KLHL18: variants seen among roughly 807,000 people sequenced by gnomAD.
KLHL18 encodes kelch like family member 18.
KLHL18 carries 38 observed loss-of-function variants against 58.5 expected under a neutral mutation model. The observed-to-expected ratio is 0.65, with a 90% confidence interval of 0.50 to 0.85. The LOEUF is 0.85. KLHL18 is among the 40% of genes least tolerant of loss of function. The probability of loss-of-function intolerance (pLI) is 0.00; values close to 1 mark genes in which losing one functional copy is unlikely to be tolerated. For synonymous variants in KLHL18, 303 were observed against 301.9 expected (o/e 1.00, Z -0.04); for missense variants, 624 against 778.4 (o/e 0.80, Z 2.36).
rs1400908540 is a variant in KLHL18 at position 47,346,375 on chromosome 3, C to T, written c.*2434C>T. 1 of 152,680 alleles carries T rather than the reference C, an allele frequency of 6.5e-6. No homozygotes were observed. Among genetic ancestry groups the T allele is most frequent in the African/African-American group, 2.4e-5 (1 of 41,458 alleles). 9.5% of individuals were successfully genotyped at this position (152,680 alleles called of 1,614,324 possible). ...GTCAGGAAACACCAACATATTCACACTCTCCCAGTAGGTTCCTCAGTCCGA... is the reference window on the plus strand; with the variant it reads ...GTCAGGAAACACCAACATATTCACATTCTCCCAGTAGGTTCCTCAGTCCGA... On this transcript the variant is annotated 3_prime_UTR_variant, in exon 10 of 10. Transcript: ENST00000232766.
At chr3:47,324,697 G>C (rs994396663) in intron 3 of KLHL18, among the ~76,000 whole-genome samples, 1 of 151,964 alleles carries the variant, frequency 6.6e-6, no homozygotes, top group African/African-American at 2.4e-5. Flanking sequence ...AATTAGTCAA[G>C]TGCAGTGGCT....
At chr3:47,288,635 A>G (rs890079285) in intron 1 of KLHL18, among the ~76,000 whole-genome samples, 2 of 152,202 alleles carry the variant, frequency 1.3e-5, no homozygotes, top group African/African-American at 4.8e-5. Context: ...AATATTTGAA[A>G]TTTAAATTCA....
At chr3:47,302,065 C>T (rs1703037298) in intron 1 of KLHL18, among the ~76,000 whole-genome samples, 1 of 152,150 alleles carries the variant, frequency 6.6e-6, no homozygotes, top group South Asian at 2.1e-4. Context: ...CCCCCTAAAG[C>T]AGTGGGATTA....
At chr3:47,320,017 T>A (rs932956843) in intron 2 of KLHL18, among the ~76,000 whole-genome samples, 3 of 152,038 alleles carry the variant, frequency 2.0e-5, no homozygotes, top group Non-Finnish European at 4.4e-5. Context: ...ATACATTTAA[T>A]AGGACCTAGA....
At chr3:47,331,601 T>C (rs1036765297) in intron 4 of KLHL18, among the ~76,000 whole-genome samples, 1 of 151,680 alleles carries the variant, frequency 6.6e-6, no homozygotes, top group South Asian at 2.1e-4. Context: ...CCTGGCTAAC[T>C]TTTGTATTTT....
Position 47,334,330 on chromosome 3 carries a change from G to T in KLHL18, c.762-353G>T, listed in dbSNP as rs1248682457. On this transcript the variant is annotated intron_variant, in intron 5 of 9. Coordinates refer to ENST00000232766, the MANE Select transcript of KLHL18 (RefSeq NM_025010.5). This position sits in a 1 kb window ranked among gnomAD's most constrained non-coding sequence, Gnocchi z 4.7. The stretch of plus-strand genomic sequence containing the variant: ...GATTAATTGCAGGTTGCAAGCCACG[G>T]TGCAGTCGTAGGGATGGAAAGGAAG... Among the ~76,000 whole-genome samples, 1 of 152,168 alleles carries T rather than the reference G, an allele frequency of 6.6e-6. No individual in the cohort carries two copies. The highest frequency in any genetic ancestry group is 1.9e-4 in the East Asian group (1 of 5,198).
At chr3:47,328,416 A>G (rs1309294478) in intron 3 of KLHL18, among the ~76,000 whole-genome samples, 1 of 152,058 alleles carries the variant, frequency 6.6e-6, no homozygotes, top group Non-Finnish European at 1.5e-5. Flanking sequence ...TTAACTTCAT[A>G]CCAGGTACCA....
intron 3 of KLHL18, among the ~76,000 whole-genome samples, chr3:47,322,939 T>C (rs190870691): frequency 7.9e-4 from 120 of 152,300 alleles, no homozygotes; most frequent in African/African-American, 2.6e-3. Flanking sequence ...TTCCCTTGGC[T>C]TGACATGTAC....
intron 1 of KLHL18, among the ~76,000 whole-genome samples, chr3:47,285,061 C>T (rs1702645989): frequency 6.6e-6 from 1 of 152,016 alleles, no homozygotes; most frequent in Admixed American, 6.6e-5. Context: ...GATCCGCCCA[C>T]CTCAGCCTCC....
chr3:47,317,922 G>A (rs754997646), intron 1 of KLHL18, among the ~76,000 whole-genome samples: 4 of 152,238 alleles, frequency 2.6e-5, no homozygotes, highest in Non-Finnish European at 5.9e-5. Context: ...AGGCAGGAGT[G>A]CAGTGGCACG....
At chr3:47,329,771 A>G (rs1170714675) in intron 3 of KLHL18, among the ~76,000 whole-genome samples, 180 bp from the exon 4 acceptor site, 1 of 152,214 alleles carries the variant, frequency 6.6e-6, no homozygotes, top group Non-Finnish European at 1.5e-5. Flanking sequence ...ACCTTTGAGG[A>G]TAATCTTTCT....
chr3:47,343,213 A>T (rs1243647344), intron 9 of KLHL18, among the ~76,000 whole-genome samples: 1 of 152,250 alleles, frequency 6.6e-6, no homozygotes, highest in Non-Finnish European at 1.5e-5. Context: ...ACAGCCATTT[A>T]CTAGTCATTC....
At chr3:47,330,528 G>A (rs777312480) in intron 4 of KLHL18, among the ~76,000 whole-genome samples, 11 of 152,118 alleles carry the variant, frequency 7.2e-5, no homozygotes, top group Non-Finnish European at 1.6e-4. Context: ...TTGAACTACT[G>A]TCCTTAAGTG....
chr3:47,299,826 CAAAAAAAAAAAAAAA>C (rs55695849), intron 1 of KLHL18, among the ~76,000 whole-genome samples: 13 of 43,824 alleles, frequency 3.0e-4, no homozygotes, highest in Non-Finnish European at 3.7e-4. Flanking sequence ...TACTGTGTCT[CAAAAAAAAAAAAAAA>C]AAAAAAAAAA....
intron 1 of KLHL18, among the ~76,000 whole-genome samples, chr3:47,288,802 T>G (rs904629770): frequency 6.6e-6 from 1 of 152,198 alleles, no homozygotes; most frequent in East Asian, 1.9e-4. Flanking sequence ...TTAAAAGTTA[T>G]GAGGATTGTA....
chr3:47,322,659 C>T lies in KLHL18; in HGVS notation c.352C>T (p.Leu118=). The T allele has an allele frequency of 6.2e-7, 1 of 1,605,374 alleles. No individual in the cohort carries two copies. Among genetic ancestry groups the T allele is most frequent in the Non-Finnish European group, 8.5e-7 (1 of 1,176,242 alleles). Residue 118 remains leucine (L), a synonymous_variant, in exon 3 of 10, where the codon CTG becomes TTG. Coordinates refer to ENST00000232766, the MANE Select transcript of KLHL18 (RefSeq NM_025010.5). ...VQSLLMGASF[L]QLQSIKDACC... Reference sequence around the variant, plus strand: ...GTCATTGCTGATGGGGGCGAGCTTCCTGCAGCTGCAGAGCATCAAAGACGC... The same window carrying T: ...GTCATTGCTGATGGGGGCGAGCTTCTTGCAGCTGCAGAGCATCAAAGACGC...
At position 47,346,390 on chromosome 3, in the gene KLHL18, C is replaced by T. The variant is rs1041165539; in HGVS notation, c.*2449C>T. ...CATATTCACACTCTCCCAGTAGGTT[C>T]CTCAGTCCGATGGTGAATGGCTATT... On this transcript the variant is annotated 3_prime_UTR_variant, in exon 10 of 10. Transcript: ENST00000232766. The T allele has an allele frequency of 2.6e-5, 4 of 152,680 alleles. No homozygotes were observed. Among genetic ancestry groups the T allele is most frequent in the Non-Finnish European group, 5.9e-5 (4 of 68,060 alleles). 9.5% of individuals were successfully genotyped at this position (152,680 alleles called of 1,614,324 possible). A position where few individuals can be genotyped will look rare whatever the true frequency, so the allele number is the denominator to read the frequency against.
At chr3:47,319,866 G>C in intron 2 of KLHL18, 83 bp downstream of exon 2, 1 of 1,422,970 alleles carries the variant, frequency 7.0e-7, no homozygotes, top group Non-Finnish European at 9.8e-7. Context: ...AGGACCTGCA[G>C]CAGGACACAG....
At chr3:47,315,020 G>A (rs1703388198) in intron 1 of KLHL18, among the ~76,000 whole-genome samples, 1 of 152,140 alleles carries the variant, frequency 6.6e-6, no homozygotes, top group South Asian at 2.1e-4. Flanking sequence ...TAAATGCACA[G>A]CAGTTAAACA....
Sources: gnomAD v4.1 joint callset for allele counts (sites outside exome capture counted in the v4.1 genomes callset) on GRCh38, gnomAD v4.1.1 for gene constraint, Gnocchi (gnomAD v3.1) non-coding constraint, MANE v1.5 for transcripts, NCBI Gene and HGNC (gene_info 2026-07-23, HGNC 2026-07-21) for gene names.